CADPS2: variants seen among roughly 807,000 people sequenced by gnomAD.
CADPS2 encodes calcium dependent secretion activator 2.
CADPS2 carries 93 observed loss-of-function variants against 172.5 expected under a neutral mutation model. The observed-to-expected ratio is 0.54, with a 90% CI of 0.46 to 0.64. CADPS2 has a LOEUF of 0.64. Among genes scored for constraint, CADPS2 ranks in the 30% least tolerant of loss-of-function variants. The pLI is 0.00. For synonymous variants in CADPS2, 546 were observed against 555.2 expected (o/e 0.98, Z 0.23); for missense variants, 1,420 against 1,565.9 (o/e 0.91, Z 1.57).
chr7:122,373,179 AT>A (rs950653623), intron 25 of CADPS2, among the ~76,000 whole-genome samples: 63 of 149,206 alleles, frequency 4.2e-4, no homozygotes, highest in African/African-American at 7.1e-4. Context: ...CTTATAGGCT[AT>A]TTTTTTTTTA....
intron 2 of CADPS2, among the ~76,000 whole-genome samples, chr7:122,716,026 C>CA (rs1439742176): frequency 2.6e-5 from 4 of 151,932 alleles, no homozygotes; most frequent in African/African-American, 9.7e-5. Context: ...GTTCTCATCA[C>CA]AAAAAAAGTA....
chr7:122,730,281 G>T (rs2091519806), intron 2 of CADPS2, among the ~76,000 whole-genome samples: 1 of 151,578 alleles, frequency 6.6e-6, no homozygotes, highest in Non-Finnish European at 1.5e-5. Flanking sequence ...CCTAACCATT[G>T]GCATTTATTT....
At chr7:122,540,120 A>G (rs1382054533) in intron 8 of CADPS2, among the ~76,000 whole-genome samples, 2 of 152,134 alleles carry the variant, frequency 1.3e-5, no homozygotes, top group African/African-American at 4.8e-5. Context: ...AAGTCCACTG[A>G]ATCATGACTA....
chr7:122,436,084 T>C (rs1045785165), intron 17 of CADPS2, among the ~76,000 whole-genome samples: 2 of 152,096 alleles, frequency 1.3e-5, no homozygotes, highest in Non-Finnish European at 2.9e-5. Flanking sequence ...TAGTACACTT[T>C]AAGAAATTGC....
intron 28 of CADPS2, among the ~76,000 whole-genome samples, chr7:122,328,159 A>ACACG (rs966284378): frequency 3.7e-5 from 4 of 109,462 alleles, no homozygotes; most frequent in African/African-American, 1.0e-4. Flanking sequence ...ACACACACAC[A>ACACG]CGCACGCACA....
intron 8 of CADPS2, among the ~76,000 whole-genome samples, chr7:122,553,362 A>T (rs1258973027): frequency 1.3e-5 from 2 of 152,236 alleles, no homozygotes; most frequent in East Asian, 3.9e-4. Flanking sequence ...TAAATCCCAG[A>T]TACTCCATGT....
intron 1 of CADPS2, among the ~76,000 whole-genome samples, chr7:122,768,928 C>A (rs2093631909): frequency 6.6e-6 from 1 of 151,380 alleles, no homozygotes; most frequent in Admixed American, 6.6e-5. Context: ...ACCTGAAAGA[C>A]AGCATATGCT....
At position 122,408,632 on chromosome 7, in the gene CADPS2, G is replaced by A. The variant is rs183398617; in HGVS notation, c.2590-936C>T. On this transcript the variant is annotated intron_variant, in intron 19 of 29. Coordinates refer to ENST00000449022, the MANE Select transcript of CADPS2 (RefSeq NM_017954.11). ...AGGAGAAACGGGGTTTTGCTATGTT[G>A]GCCAGGCTGGTCTCCAACTCCTGGC... Among the ~76,000 whole-genome samples, 276 of 152,200 alleles carry A rather than the reference G, an allele frequency of 1.8e-3. 2 individuals are homozygous for A. The highest frequency in any genetic ancestry group is 6.2e-3 in the African/African-American group (258 of 41,536).
rs1564120233 is a variant in CADPS2 at position 122,705,511 on chromosome 7, C to CTATATTATATATTATA, written c.453+31443_453+31444insTATAATATATAATATA. ...ATATATTATCTATATTATATATTATCTATATTTATATTGTGTATTATCTAT... is the reference window on the plus strand; with the variant it reads ...ATATATTATCTATATTATATATTATCTATATTATATATTATATATATTTATATTGTGTATTATCTAT... On this transcript the variant is annotated intron_variant, in intron 2 of 29. Coordinates refer to ENST00000449022, the MANE Select transcript of CADPS2 (RefSeq NM_017954.11). Among the ~76,000 whole-genome samples the CTATATTATATATTATA allele has an allele frequency of 5.1e-4, 46 of 90,960 alleles. 6 individuals are homozygous for CTATATTATATATTATA. Among genetic ancestry groups the CTATATTATATATTATA allele is most frequent in the African/African-American group, 1.6e-3 (37 of 22,608 alleles). The allele number at this position is 90,960 out of a possible 152,430, so 59.7% of individuals were successfully genotyped here.
At chr7:122,824,132 G>T (rs548237967) in intron 1 of CADPS2, among the ~76,000 whole-genome samples, 1 of 152,106 alleles carries the variant, frequency 6.6e-6, no homozygotes, top group East Asian at 1.9e-4. Context: ...AAGAAATAAA[G>T]TTGAAAAAAA....
At chr7:122,732,784 TAATA>T (rs1287319397) in intron 2 of CADPS2, among the ~76,000 whole-genome samples, 16 of 143,412 alleles carry the variant, frequency 1.1e-4, no homozygotes, top group African/African-American at 3.6e-4. Flanking sequence ...ATTATGTATA[TAATA>T]TATATACATT....
chr7:122,676,435 T>C (rs1183580814), intron 2 of CADPS2: 2 of 365,670 alleles, frequency 5.5e-6, no homozygotes, highest in Non-Finnish European at 9.7e-6. Context: ...TTGGTTTGCT[T>C]ACCCTTCAAC....
rs1422072062 is a variant in CADPS2, at chr7:122,460,181, A to C, written c.2187-8706T>G. The stretch of plus-strand genomic sequence containing the variant: ...TCCCCAAATCCTTATTCACTACAAA[A>C]CACCTAAATACTGCATAAGCCACAA... On this transcript the variant is annotated intron_variant, in intron 14 of 29. Transcript: ENST00000449022. Among the ~76,000 whole-genome samples the C allele has an allele frequency of 2.0e-5, 3 of 152,004 alleles. No homozygotes were observed. The East Asian group carries it at 5.8e-4, about 29-fold the overall frequency.
intron 2 of CADPS2, among the ~76,000 whole-genome samples, chr7:122,734,838 C>T (rs947630924): frequency 2.0e-5 from 3 of 152,094 alleles, no homozygotes; most frequent in African/African-American, 7.2e-5. Context: ...CAAATCTTAA[C>T]ACCATTTTGA....
At chr7:122,561,922 T>C (rs1031882638) in intron 7 of CADPS2, among the ~76,000 whole-genome samples, 1 of 152,154 alleles carries the variant, frequency 6.6e-6, no homozygotes, top group Non-Finnish European at 1.5e-5. Context: ...GATGGATGAA[T>C]GAATGGGTGG....
chr7:122,420,491 C>A (rs929931282), intron 17 of CADPS2, among the ~76,000 whole-genome samples: 1 of 152,258 alleles, frequency 6.6e-6, no homozygotes, highest in African/African-American at 2.4e-5. Flanking sequence ...TATCCCGTCT[C>A]TGGTTTCACC....
At chr7:122,489,097 A>C (rs1376234318) in intron 11 of CADPS2, among the ~76,000 whole-genome samples, 1 of 152,184 alleles carries the variant, frequency 6.6e-6, no homozygotes, top group Admixed American at 6.6e-5. Flanking sequence ...AATAGTTTTC[A>C]CTACATATAA....
intron 1 of CADPS2, among the ~76,000 whole-genome samples, chr7:122,799,883 C>T (rs1448167308): frequency 3.3e-5 from 5 of 152,024 alleles, no homozygotes; most frequent in Non-Finnish European, 1.5e-5. Context: ...GAGGAAAGGC[C>T]ACTGAAACTC....
At chr7:122,494,426 A>G (rs937080163) in intron 9 of CADPS2, among the ~76,000 whole-genome samples, 5 of 152,160 alleles carry the variant, frequency 3.3e-5, no homozygotes, top group African/African-American at 1.2e-4. Context: ...ACTATGAGAC[A>G]TTAAAAGAGA....
Sources: allele counts gnomAD v4.1 joint callset (sites outside exome capture counted in the v4.1 genomes callset), GRCh38; gene constraint gnomAD v4.1.1; transcripts MANE v1.5; gene names NCBI Gene and HGNC (gene_info 2026-07-23, HGNC 2026-07-21).